The following PCDHGB4 variants were observed in gnomAD, a reference collection of about 807,000 sequenced individuals.
PCDHGB4 encodes protocadherin gamma subfamily B, 4.
A neutral mutation model predicts 60.5 loss-of-function variants in PCDHGB4; 38 were observed. The ratio of observed to expected loss-of-function variants is 0.63; its 90% confidence interval spans 0.48 to 0.82. The LOEUF (loss-of-function observed/expected upper bound fraction) is 0.82. Ranked by LOEUF, PCDHGB4 falls within the 40% of genes least tolerant of loss-of-function variation. The pLI, the probability that PCDHGB4 is intolerant of heterozygous loss-of-function variation, is 0.00. For missense variants in PCDHGB4, 1,109 were observed against 1,209.6 expected (o/e 0.92, Z 1.23); for synonymous variants, 456 against 509.7 (o/e 0.89, Z 1.42).
At chr5:141,426,963 C>G (rs1008659501) in intron 1 of PCDHGB4, 1 of 456,646 alleles carries the variant, frequency 2.2e-6, no homozygotes, top group African/African-American at 2.0e-5. Flanking sequence ...TGCTGCAATT[C>G]AAATTGAGGT....
Position 141,430,721 on chromosome 5 carries a change from T to C in PCDHGB4, c.2397+40440T>C, listed in dbSNP as rs2097305223. The C allele has an allele frequency of 3.4e-6, 5 of 1,489,270 alleles. No homozygotes were observed. The South Asian group carries it at 7.3e-5, about 22-fold the overall frequency. 92.3% of individuals were successfully genotyped at this position (1,489,270 alleles called of 1,614,324 possible). A position where few individuals can be genotyped will look rare whatever the true frequency, so the allele number is the denominator to read the frequency against. On this transcript the variant is annotated intron_variant, in intron 1 of 3. Coordinates refer to ENST00000519479, the MANE Select transcript of PCDHGB4 (RefSeq NM_003736.4). ...AGGAACTGCTCCTGACTTCAGTGGT[T>C]AAGGGCAGAATTGAAAATAATTCTG...
intron 1 of PCDHGB4, among the ~76,000 whole-genome samples, chr5:141,460,620 C>G (rs185269852): frequency 5.6e-4 from 85 of 151,856 alleles, no homozygotes; most frequent in African/African-American, 1.9e-3. Context: ...GATAGATAGA[C>G]AGATACAGAT....
At chr5:141,503,598 CAAAAAAA>C (rs765754054) in intron 2 of PCDHGB4, among the ~76,000 whole-genome samples, 8 of 65,766 alleles carry the variant, frequency 1.2e-4, no homozygotes, top group South Asian at 1.1e-3. Context: ...GACTCCAGCT[CAAAAAAA>C]AAAAAAAAAG....
intron 1 of PCDHGB4, chr5:141,415,542 T>C (rs770960227): frequency 1.2e-5 from 19 of 1,614,056 alleles, no homozygotes; most frequent in Non-Finnish European, 9.3e-6. Context: ...AGGAGAGCTG[T>C]GAGAAAAACG....
intron 2 of PCDHGB4, among the ~76,000 whole-genome samples, chr5:141,497,006 T>C (rs947830895): frequency 1.3e-5 from 2 of 151,678 alleles, no homozygotes; most frequent in South Asian, 2.1e-4. Context: ...GCAGCCAACA[T>C]GGTGAAACCC....
At position 141,491,518 on chromosome 5, in the gene PCDHGB4, A is replaced by G. The variant is rs756813813; in HGVS notation, c.2398-3289A>G. 3 of 1,613,990 alleles carry G rather than the reference A, an allele frequency of 1.9e-6. No individual in the cohort carries two copies. The highest frequency in any genetic ancestry group is 3.3e-5 in the Admixed American group (2 of 60,028). ...GAGCTCGGACGGCACGCTCAAGTAC[A>G]TGGAGGTGACGCTGCGGCCCACAGA... On this transcript the variant is annotated intron_variant, in intron 1 of 3. Transcript: ENST00000519479. This position sits in a 1 kb window ranked among gnomAD's most constrained non-coding sequence, Gnocchi z 6.9.
Position 141,389,055 on chromosome 5 carries a change from A to G in PCDHGB4, c.1171A>G (p.Lys391Glu). Residue 391 changes from lysine (K) to glutamate (E), a missense_variant, in exon 1 of 4, where the codon AAA (lysine) becomes GAA (glutamate). Transcript: ENST00000519479. ...TCKLEGDVPF[K>E]ILTSSRNTYK... ...TAAATTGGAAGGTGATGTTCCATTTAAAATATTAACTTCTTCAAGAAACAC... is the reference window on the plus strand; with the variant it reads ...TAAATTGGAAGGTGATGTTCCATTTGAAATATTAACTTCTTCAAGAAACAC... 1 of 1,613,996 alleles carries G rather than the reference A, an allele frequency of 6.2e-7. No homozygotes were observed. The highest frequency in any genetic ancestry group is 1.1e-5 in the South Asian group (1 of 91,088).
Position 141,431,687 on chromosome 5 carries a change from G to A in PCDHGB4, c.2397+41406G>A. On this transcript the variant is annotated intron_variant, in intron 1 of 3. Transcript: ENST00000519479. This position sits in a 1 kb window ranked among gnomAD's most constrained non-coding sequence, Gnocchi z 4.8. ...ATCAACAATAGGGGAGTTGGACCAC[G>A]AGGAGTCAGGATTCTACCAGATGGA... The A allele has an allele frequency of 1.9e-6, 3 of 1,614,214 alleles. No homozygotes were observed. Among genetic ancestry groups the A allele is most frequent in the Middle Eastern group, 1.6e-4 (1 of 6,062 alleles).
At chr5:141,404,192 A>G in intron 1 of PCDHGB4, 1 of 1,613,574 alleles carries the variant, frequency 6.2e-7, no homozygotes. Flanking sequence ...TGACCGAGAA[A>G]AAGCCTCAGA....
At chr5:141,468,701 C>A (rs1186497330) in intron 1 of PCDHGB4, 2 of 151,628 alleles carry the variant, frequency 1.3e-5, no homozygotes, top group African/African-American at 2.4e-5. Flanking sequence ...CCCGTCTCTA[C>A]TAAAAATATA....
rs767330174 is a variant in PCDHGB4, at chr5:141,491,818, C to T, written c.2398-2989C>T. The T allele has an allele frequency of 1.6e-5, 24 of 1,481,560 alleles. No homozygotes were observed. The highest frequency in any genetic ancestry group is 1.9e-5 in the Non-Finnish European group (21 of 1,116,446). 91.8% of individuals were successfully genotyped at this position (1,481,560 alleles called of 1,614,324 possible). A position where few individuals can be genotyped will look rare whatever the true frequency, so the allele number is the denominator to read the frequency against. On this transcript the variant is annotated intron_variant, in intron 1 of 3. Transcript: ENST00000519479. This position sits in a 1 kb window ranked among gnomAD's most constrained non-coding sequence, Gnocchi z 6.9. ...CTCCGGCCGGCTTGGTCGCTGGCTGCGCTCCACCCGATTCTCGGGATCATT... is the reference window on the plus strand; with the variant it reads ...CTCCGGCCGGCTTGGTCGCTGGCTGTGCTCCACCCGATTCTCGGGATCATT...
At chr5:141,422,044 G>C in intron 1 of PCDHGB4, 1 of 1,611,530 alleles carries the variant, frequency 6.2e-7, no homozygotes, top group Admixed American at 1.7e-5. Flanking sequence ...TCCAGACGAG[G>C]GAATCAACGG....
chr5:141,475,644 A>C (rs1021491842), intron 1 of PCDHGB4, among the ~76,000 whole-genome samples: 2 of 152,238 alleles, frequency 1.3e-5, no homozygotes, highest in Non-Finnish European at 2.9e-5. Context: ...TCTTGTGATC[A>C]AAGAAAGTGA....
intron 1 of PCDHGB4, chr5:141,393,194 C>G (rs770162660): frequency 6.2e-7 from 1 of 1,613,362 alleles, no homozygotes. Flanking sequence ...TTGATATTAA[C>G]GATAATAACC....
chr5:141,478,415 C>G (rs182700706), intron 1 of PCDHGB4: 5 of 1,613,648 alleles, frequency 3.1e-6, no homozygotes, highest in Non-Finnish European at 4.2e-6. Context: ...CACGGACTCC[C>G]GCCGCAGCGA....
At chr5:141,425,457 T>G (rs936918643) in intron 1 of PCDHGB4, among the ~76,000 whole-genome samples, 6 of 152,318 alleles carry the variant, frequency 3.9e-5, no homozygotes, top group Admixed American at 6.5e-5. Flanking sequence ...ACCATCACAT[T>G]TCATGTTATT....
At chr5:141,445,339 A>G (rs1450773291) in intron 1 of PCDHGB4, among the ~76,000 whole-genome samples, 1 of 152,152 alleles carries the variant, frequency 6.6e-6, no homozygotes, top group Non-Finnish European at 1.5e-5. Context: ...GAAACAGTAA[A>G]CATTGGTGTC....
In PCDHGB4 at chr5:141,489,504, A is replaced by G. The variant is rs148241772; in HGVS notation, c.2398-5303A>G. 193 of 1,614,016 alleles carry G rather than the reference A, an allele frequency of 1.2e-4. No individual in the cohort carries two copies. Among genetic ancestry groups the G allele is most frequent in the Non-Finnish European group, 1.6e-4 (184 of 1,180,046 alleles). On this transcript the variant is annotated intron_variant, in intron 1 of 3. Transcript: ENST00000519479. The surrounding 1 kb of genome is among the most constrained non-coding windows in gnomAD (Gnocchi z 4.5). ...TGAGTGGTGCCCTGGCAGTGAATCA[A>G]AAGATTGACCGAGAAAGCCTATGTG...
At chr5:141,499,397 T>A (rs1171838687) in intron 2 of PCDHGB4, among the ~76,000 whole-genome samples, 2 of 152,122 alleles carry the variant, frequency 1.3e-5, no homozygotes, top group African/African-American at 4.8e-5. Flanking sequence ...AAATAGTACA[T>A]GCTCATTATA....
Sources: gnomAD v4.1 joint callset for allele counts (sites outside exome capture counted in the v4.1 genomes callset) on GRCh38, gnomAD v4.1.1 for gene constraint, Gnocchi (gnomAD v3.1) non-coding constraint, MANE v1.5 for transcripts, NCBI Gene and HGNC (gene_info 2026-07-23, HGNC 2026-07-21) for gene names.